The following HSF4 variants were observed in gnomAD, a reference collection of about 807,000 sequenced individuals.
HSF4 encodes the protein heat shock transcription factor 4.
A neutral mutation model predicts 52.0 loss-of-function variants in HSF4; 41 were observed. That is an observed-to-expected ratio of 0.79 (90% confidence interval 0.61 to 1.02). The LOEUF (loss-of-function observed/expected upper bound fraction) is 1.02. Ranked by LOEUF, HSF4 falls within the 50% of genes least tolerant of loss-of-function variation. The pLI is 0.00. For missense variants in HSF4, 610 were observed against 651.1 expected, an observed-to-expected ratio of 0.94 and a Z score of 0.69; for synonymous variants, 285 against 273.0, an observed-to-expected ratio of 1.04 and a Z score of -0.43.
Position 67,165,357 on chromosome 16 carries a change from G to GCA in HSF4, c.124-164_124-163insAC. The GCA allele has an allele frequency of 1.5e-6, 1 of 676,332 alleles. No individual in the cohort carries two copies. The highest frequency in any genetic ancestry group is 2.6e-6 in the Non-Finnish European group (1 of 386,096). 41.9% of individuals were successfully genotyped at this position (676,332 alleles called of 1,614,324 possible). On this transcript the variant is annotated intron_variant, in intron 1 of 12. Transcript: ENST00000521374. The surrounding 1 kb of genome is among the most constrained non-coding windows in gnomAD (Gnocchi z 6.9). ...TGGTCGCTCCAGGCTAGGCCTCGGAGCCCGTTCTGGCCTGGCCTCGACCCA... is the reference window on the plus strand; with the variant it reads ...TGGTCGCTCCAGGCTAGGCCTCGGAGCACCCGTTCTGGCCTGGCCTCGACCCA...
At position 67,165,522 on chromosome 16, in the gene HSF4, A is replaced by G. The variant is rs1416472058; in HGVS notation, c.124A>G (p.Ser42Gly). Reference sequence around the variant, plus strand: ...GGTGGGCGGGCGGCGTTCTTGGTAGAGCGGGACCAGTTTCCTCGTAAGCGA... The same window carrying G: ...GGTGGGCGGGCGGCGTTCTTGGTAGGGCGGGACCAGTTTCCTCGTAAGCGA... ...GTDHLIRWSP[S>G]GTSFLVSDQS... The change falls in exon 2 of 13, where the codon AGC becomes GGC. Residue 42 changes from serine to glycine, a missense_variant and splice_region_variant. Transcript: ENST00000521374. This position sits in a 1 kb window ranked among gnomAD's most constrained non-coding sequence, Gnocchi z 6.9. 1 of 1,612,466 alleles carries G rather than the reference A, an allele frequency of 6.2e-7. No homozygotes were observed. Among genetic ancestry groups the G allele is most frequent in the Non-Finnish European group, 8.5e-7 (1 of 1,179,690 alleles).
chr16:67,166,110 G>A (rs1053262720), intron 4 of HSF4, 40 bp downstream of exon 4: 1 of 1,490,020 alleles, frequency 6.7e-7, no homozygotes, highest in East Asian at 2.5e-5. Flanking sequence ...AGGGGTGGGG[G>A]GTTCGGGATG....
rs910067478 is a variant in HSF4, at chr16:67,169,187, G to A, written c.1254+86G>A. The A allele has an allele frequency of 4.4e-6, 7 of 1,605,796 alleles. No individual in the cohort carries two copies. Among genetic ancestry groups the A allele is most frequent in the Middle Eastern group, 1.7e-4 (1 of 5,862 alleles). The stretch of plus-strand genomic sequence containing the variant: ...TAGCTGTTCTCTGTGAGCCAAAGCC[G>A]TGTCTCTAGAAGAATTGTCACAGTG... On this transcript the variant is annotated intron_variant, in intron 11 of 12. Coordinates refer to ENST00000521374, the MANE Select transcript of HSF4 (RefSeq NM_001374675.1). The surrounding 1 kb of genome is among the most constrained non-coding windows in gnomAD (Gnocchi z 4.3).
chr16:67,167,424 G>A (rs992832678), intron 7 of HSF4, 51 bp from the exon 8 acceptor site: 1 of 1,613,400 alleles, frequency 6.2e-7, no homozygotes, highest in African/African-American at 1.3e-5. Flanking sequence ...TGGGGTTCTG[G>A]CTCTCCCTGT....
At position 67,165,251 on chromosome 16, in the gene HSF4, C is replaced by G. The variant is rs894187661; in HGVS notation, c.124-271C>G. ...GCTGGTCTAGCTCAGGGTCACATTG[C>G]GGGGCTGGGAACCCCGTCAGCCTCT... On this transcript the variant is annotated intron_variant, in intron 1 of 12. Coordinates refer to ENST00000521374, the MANE Select transcript of HSF4 (RefSeq NM_001374675.1). The surrounding 1 kb of genome is among the most constrained non-coding windows in gnomAD (Gnocchi z 6.9). The G allele has an allele frequency of 1.7e-6, 1 of 594,508 alleles. No homozygotes were observed. Among genetic ancestry groups the G allele is most frequent in the Non-Finnish European group, 3.0e-6 (1 of 334,072 alleles). 36.8% of individuals were successfully genotyped at this position (594,508 alleles called of 1,614,324 possible).
In HSF4 at chr16:67,165,930, TGCCTCCC is replaced by T; in HGVS notation, c.361-11_361-5del. The T allele has an allele frequency of 6.3e-7, 1 of 1,581,362 alleles. No homozygotes were observed. The highest frequency in any genetic ancestry group is 2.3e-5 in the East Asian group (1 of 43,708). ...TGCTCCTGCGACCCAGTCCCGACGG[TGCCTCCC>T]GCCTGCAGGTGCCCGCGCTGCGCGG... On this transcript the variant is annotated splice_polypyrimidine_tract_variant and intron_variant, in intron 3 of 12. Coordinates refer to ENST00000521374, the MANE Select transcript of HSF4 (RefSeq NM_001374675.1). This position sits in a 1 kb window ranked among gnomAD's most constrained non-coding sequence, Gnocchi z 6.9.
Position 67,168,876 on chromosome 16 carries a change from G to A in HSF4, c.1128G>A (p.Leu376=). 6.2e-7 allele frequency: 1 copy of A among 1,614,016 alleles called. No homozygotes were observed. The highest frequency in any genetic ancestry group is 8.5e-7 in the Non-Finnish European group (1 of 1,180,030). The change falls in exon 10 of 13, where the codon CTG becomes CTA. Residue 376 remains leucine (L), a synonymous_variant. Coordinates refer to ENST00000521374, the MANE Select transcript of HSF4 (RefSeq NM_001374675.1). Reference sequence around the variant, plus strand: ...GCGGGGACAGGAGCCCAGAGAGTCTGCTGCCTCCGATGCTGCTTCAGCCCC... The same window carrying A: ...GCGGGGACAGGAGCCCAGAGAGTCTACTGCCTCCGATGCTGCTTCAGCCCC... ...LESGDRSPES[L]LPPMLLQPPQ...
Position 67,169,782 on chromosome 16 carries a change from CT to C in HSF4, c.1477del (p.Ter493LysfsTer6), listed in dbSNP as rs751367774. 6.2e-7 allele frequency: 1 copy of C among 1,613,040 alleles called. No individual in the cohort carries two copies. The highest frequency in any genetic ancestry group is 1.3e-5 in the African/African-American group (1 of 74,922). On this transcript the variant is annotated frameshift_variant and stop_lost, in exon 13 of 13. Transcript: ENST00000521374. LOFTEE classifies it high-confidence loss of function. This position sits in a 1 kb window ranked among gnomAD's most constrained non-coding sequence, Gnocchi z 4.3. ...YLGPEASPSP[*>X] ...TGGGCCCGGAAGCCAGTCCCTCCCC[CT>C]AAGACCCCGCGCCTCTGAAGGGGCT...
At chr16:67,163,816 C>T, upstream of HSF4, 4 of 1,543,434 alleles carry the variant, frequency 2.6e-6, no homozygotes, top group African/African-American at 4.1e-5. Flanking sequence ...ACGCTCGTGG[C>T]GTGATTGGGC....
rs754860432 is a variant in HSF4, at chr16:67,166,516, G to T, written c.562-42G>T. ...CACCTGGAAGTGCGGGGGTGGGGGG[G>T]CTGTGTCCAAAGTATGAATTAAACC... On this transcript the variant is annotated intron_variant, in intron 5 of 12. Transcript: ENST00000521374. 4 of 1,609,202 alleles carry T rather than the reference G, an allele frequency of 2.5e-6. No individual in the cohort carries two copies. The Admixed American group carries it at 5.0e-5, about 20-fold the overall frequency.
chr16:67,166,278 C>T (rs755476901), intron 4 of HSF4, 42 bp from the exon 5 acceptor site: 7 of 1,574,886 alleles, frequency 4.4e-6, no homozygotes, highest in Non-Finnish European at 6.1e-6. Flanking sequence ...GGTGACTGGG[C>T]GAACTCTCAG....
At chr16:67,167,343 A>G in intron 7 of HSF4, 121 bp downstream of exon 7, 1 of 1,609,700 alleles carries the variant, frequency 6.2e-7, no homozygotes, top group Non-Finnish European at 8.5e-7. Context: ...AACCAGACCC[A>G]GGCCCTCCAG....
In HSF4 at chr16:67,165,553, G is replaced by A; in HGVS notation, c.155G>A (p.Ser52Asn). The change falls in exon 2 of 13, where the codon AGC (serine) becomes AAC (asparagine). Residue 52 changes from serine (S) to asparagine (N), a missense_variant. Transcript: ENST00000521374. This position sits in a 1 kb window ranked among gnomAD's most constrained non-coding sequence, Gnocchi z 6.9. The stretch of plus-strand genomic sequence containing the variant: ...ACCAGTTTCCTCGTAAGCGACCAGA[G>A]CCGTTTCGCCAAGGAAGTGCTGCCC... ...SGTSFLVSDQSRFAKEVLPQY... is the reference protein window; with the variant it reads ...SGTSFLVSDQNRFAKEVLPQY... 2 of 1,613,266 alleles carry A rather than the reference G, an allele frequency of 1.2e-6. No homozygotes were observed. The highest frequency in any genetic ancestry group is 1.7e-6 in the Non-Finnish European group (2 of 1,179,932).
chr16:67,165,273 C>G lies in HSF4; in HGVS notation c.124-249C>G. 1 of 598,072 alleles carries G rather than the reference C, an allele frequency of 1.7e-6. No homozygotes were observed. The highest frequency in any genetic ancestry group is 3.0e-6 in the Non-Finnish European group (1 of 336,188). 37.0% of individuals were successfully genotyped at this position (598,072 alleles called of 1,614,324 possible). ...TTGCGGGGCTGGGAACCCCGTCAGC[C>G]TCTCCTTTCTGAGAACTGAGTATGG... On this transcript the variant is annotated intron_variant, in intron 1 of 12. Coordinates refer to ENST00000521374, the MANE Select transcript of HSF4 (RefSeq NM_001374675.1). This position sits in a 1 kb window ranked among gnomAD's most constrained non-coding sequence, Gnocchi z 6.9.
chr16:67,164,050 C>T (rs967535843), upstream of HSF4: 28 of 715,694 alleles, frequency 3.9e-5, no homozygotes, highest in Non-Finnish European at 2.0e-5. Context: ...GGACACACTG[C>T]CCCCCTCTCT....
rs575318310 is a variant in HSF4 at position 67,169,932 on chromosome 16, G to GA, written c.*147_*148insA. ...CCGACTATCCCTGCACATAAACTCC[G>GA]TTTTTTTTTTTTCTGTTTCTGGTCT... is the stretch of plus-strand genomic sequence containing the variant. On this transcript the variant is annotated 3_prime_UTR_variant, in exon 13 of 13. Transcript: ENST00000521374. This position sits in a 1 kb window ranked among gnomAD's most constrained non-coding sequence, Gnocchi z 4.3. The GA allele has an allele frequency of 2.0e-6, 1 of 498,418 alleles. No individual in the cohort carries two copies. The highest frequency in any genetic ancestry group is 2.0e-5 in the African/African-American group (1 of 49,150). The allele number at this position is 498,418 out of a possible 1,614,324, so 30.9% of individuals were successfully genotyped here.
At chr16:67,168,077 A>G (rs2031436942) in intron 9 of HSF4, 130 bp downstream of exon 9, 3 of 806,716 alleles carry the variant, frequency 3.7e-6, no homozygotes, top group Non-Finnish European at 6.1e-6. Context: ...GTTCTGTGGA[A>G]AGCAGAGCCT....
chr16:67,167,564 G>A lies in HSF4; in HGVS notation c.819G>A (p.Glu273=). The change falls in exon 8 of 13, where the codon GAG becomes GAA. Residue 273 remains glutamate, a synonymous_variant. Coordinates refer to ENST00000521374, the MANE Select transcript of HSF4 (RefSeq NM_001374675.1). ...TCCCAGAAGACTCTCCATCCCCTGA[G>A]GGGACCAGGCTTTCTCCCTCCAGTG... is the stretch of plus-strand genomic sequence containing the variant. ...SDIPEDSPSP[E]GTRLSPSSDG... 5 of 1,613,742 alleles carry A rather than the reference G, an allele frequency of 3.1e-6. No individual in the cohort carries two copies. Among genetic ancestry groups the A allele is most frequent in the East Asian group, 2.2e-5 (1 of 44,882 alleles).
chr16:67,168,741 T>G, intron 9 of HSF4, 90 bp from the exon 10 acceptor site: 4 of 939,724 alleles, frequency 4.3e-6, no homozygotes, highest in Non-Finnish European at 5.2e-6. Flanking sequence ...TTTCTAAAGA[T>G]TGGGGGATTA....
Sources: allele counts gnomAD v4.1 joint callset, GRCh38; gene constraint gnomAD v4.1.1; non-coding constraint Gnocchi (gnomAD v3.1); transcripts MANE v1.5; gene names NCBI Gene and HGNC (gene_info 2026-07-23, HGNC 2026-07-21).